The following AGL variants were observed in gnomAD, a reference collection of about 807,000 sequenced individuals.
AGL encodes the protein glycogen debranching enzyme.
Under a neutral mutation model 199.3 loss-of-function variants are expected in AGL, and 128 were observed. The observed-to-expected ratio is 0.64, with a 90% CI of 0.56 to 0.74. The LOEUF (loss-of-function observed/expected upper bound fraction) is 0.74, where lower values mean the gene tolerates loss of function less well. Among genes scored for constraint, AGL ranks in the 30% least tolerant of loss-of-function variants. The probability of loss-of-function intolerance (pLI) is 0.00; values close to 1 mark genes in which losing one functional copy is unlikely to be tolerated. For missense variants in AGL, 1,809 were observed against 1,820.8 expected (o/e 0.99, Z 0.12); for synonymous variants, 584 against 594.7 (o/e 0.98, Z 0.26).
intron 26 of AGL, among the ~76,000 whole-genome samples, chr1:99,901,315 G>C (rs1393820734): frequency 1.3e-5 from 2 of 149,018 alleles, no homozygotes; most frequent in South Asian, 4.2e-4. Flanking sequence ...GGAGGCTGAG[G>C]CAGAAGGATC....
chr1:99,896,940 C>A (rs1653374324), intron 25 of AGL, among the ~76,000 whole-genome samples: 1 of 152,126 alleles, frequency 6.6e-6, no homozygotes, highest in African/African-American at 2.4e-5. Flanking sequence ...CCTCAGCCTC[C>A]TGAGTAGCTG....
intron 7 of AGL, 47 bp downstream of exon 7, chr1:99,870,916 ATAT>A (rs1226883122): frequency 8.3e-7 from 1 of 1,198,862 alleles, no homozygotes; most frequent in African/African-American, 1.5e-5. Flanking sequence ...AAGAAATGTA[ATAT>A]TATAAAGGGA....
chr1:99,871,647 A>G (rs1169064436), intron 7 of AGL, among the ~76,000 whole-genome samples: 2 of 152,176 alleles, frequency 1.3e-5, no homozygotes, highest in Non-Finnish European at 2.9e-5. Context: ...CTTGAGCTCT[A>G]GGATACTCAG....
intron 27 of AGL, among the ~76,000 whole-genome samples, chr1:99,903,483 G>A (rs1028159134): frequency 1.1e-4 from 17 of 152,138 alleles, no homozygotes; most frequent in African/African-American, 3.9e-4. Context: ...TTTTATGGCT[G>A]CATAGTATTC....
intron 2 of AGL, among the ~76,000 whole-genome samples, chr1:99,856,313 TCCCTCCCTTCCTTCCTCC>T (rs1649422564): frequency 1.3e-4 from 2 of 15,600 alleles, no homozygotes; most frequent in Non-Finnish European, 2.3e-4. Context: ...CCTTCCTCCC[TCCCTCCCTTCCTTCCTCC>T]CTCCCTCCCT....
At chr1:99,874,649 A>C (rs1237927498) in intron 7 of AGL, 38 bp from the exon 8 acceptor site, 8 of 1,580,216 alleles carry the variant, frequency 5.1e-6, no homozygotes, top group African/African-American at 1.4e-5. Flanking sequence ...CTCTTTGTAG[A>C]TATTTGCATT....
chr1:99,910,041 A>G (rs1475587925), intron 27 of AGL, among the ~76,000 whole-genome samples: 7 of 152,168 alleles, frequency 4.6e-5, no homozygotes, highest in African/African-American at 9.7e-5. Flanking sequence ...TTATCTTACT[A>G]TATATGTCCT....
intron 28 of AGL, among the ~76,000 whole-genome samples, chr1:99,911,491 G>A (rs1205237544): frequency 6.6e-6 from 1 of 151,936 alleles, no homozygotes; most frequent in Non-Finnish European, 1.5e-5. Context: ...TGCCCAGCCT[G>A]TAGTGCAGTA....
chr1:99,884,472 C>G (rs1161575695), intron 19 of AGL, 21 bp downstream of exon 19: 2 of 1,601,118 alleles, frequency 1.2e-6, no homozygotes, highest in Admixed American at 3.3e-5. Context: ...TGAGCTCAAA[C>G]TGTTGACTTT....
intron 20 of AGL, 149 bp from the exon 21 acceptor site, chr1:99,887,829 G>T: frequency 1.1e-4 from 82 of 769,432 alleles, no homozygotes; most frequent in Middle Eastern, 4.1e-4. Context: ...TACTTAAAAT[G>T]TATGAGTATA....
chr1:99,890,778 A>T (rs1477966837), intron 21 of AGL, among the ~76,000 whole-genome samples: 1 of 152,092 alleles, frequency 6.6e-6, no homozygotes, highest in East Asian at 1.9e-4. Flanking sequence ...TCTTTCTGAA[A>T]CCAGTTCTAT....
rs1054385071 is a variant in AGL, at chr1:99,923,787, A to G, written c.*2136A>G. ...TGGACTATGCCTTGGTTTTTCACTA[A>G]TCAAAATCAAAATTACTCTTTAACA... On this transcript the variant is annotated 3_prime_UTR_variant, in exon 34 of 34. Coordinates refer to ENST00000361915, the MANE Select transcript of AGL (RefSeq NM_000642.3). The G allele has an allele frequency of 6.6e-6, 1 of 152,198 alleles. No individual in the cohort carries two copies. The highest frequency in any genetic ancestry group is 1.5e-5 in the Non-Finnish European group (1 of 68,032). 9.4% of individuals were successfully genotyped at this position (152,198 alleles called of 1,614,324 possible).
intron 2 of AGL, among the ~76,000 whole-genome samples, chr1:99,856,366 TCCTTCCTC>T (rs1649451423): frequency 5.4e-5 from 4 of 73,842 alleles, no homozygotes; most frequent in African/African-American, 9.2e-5. Context: ...CTCCCTCCCT[TCCTTCCTC>T]CCTTCCTCCC....
intron 25 of AGL, among the ~76,000 whole-genome samples, chr1:99,897,181 A>G (rs1653397430): frequency 1.3e-5 from 2 of 152,316 alleles, no homozygotes; most frequent in Admixed American, 1.3e-4. Context: ...AAAGGAAAGC[A>G]CTACAGCAGT....
chr1:99,917,952 A>T (rs929938857), intron 33 of AGL, among the ~76,000 whole-genome samples: 2 of 152,180 alleles, frequency 1.3e-5, no homozygotes, highest in Non-Finnish European at 2.9e-5. Flanking sequence ...TATATTAAAA[A>T]GTCTAATTAC....
chr1:99,909,722 A>G (rs577738453), intron 27 of AGL, among the ~76,000 whole-genome samples: 1 of 152,110 alleles, frequency 6.6e-6, no homozygotes, highest in East Asian at 1.9e-4. Flanking sequence ...TTCCTAGCCA[A>G]TCTGCCTTCC....
rs560445729 is a variant in AGL at position 99,909,738 on chromosome 1, A to T, written c.3701-974A>T. On this transcript the variant is annotated intron_variant, in intron 27 of 33. Transcript: ENST00000361915. Reference sequence around the variant, plus strand: ...TCCTAGCCAATCTGCCTTCCTCTTTACACTTTTTGAGTCCTCTTATGATAG... The same window carrying T: ...TCCTAGCCAATCTGCCTTCCTCTTTTCACTTTTTGAGTCCTCTTATGATAG... 1.2e-4 allele frequency among the ~76,000 whole-genome samples: 18 copies of T among 151,970 alleles called. No homozygotes were observed. The South Asian group carries it at 3.5e-3, about 30-fold the overall frequency.
chr1:99,881,043 G>A (rs1309812320), intron 14 of AGL, 33 bp from the exon 15 acceptor site: 8 of 1,569,752 alleles, frequency 5.1e-6, no homozygotes, highest in Non-Finnish European at 7.0e-6. Flanking sequence ...TTGAAAGAAA[G>A]CAAACTTTTG....
chr1:99,850,987 C>A lies in AGL; in HGVS notation c.-56C>A, dbSNP rs764523804. ...TTTTGTTTCATAGGGGTAACTCATTCGACTGTGGAGTTCTTTTAATTCTTA... is the reference window on the plus strand; with the variant it reads ...TTTTGTTTCATAGGGGTAACTCATTAGACTGTGGAGTTCTTTTAATTCTTA... On this transcript the variant is annotated 5_prime_UTR_variant, in exon 2 of 34. Transcript: ENST00000361915. The A allele has an allele frequency of 3.1e-5, 44 of 1,408,918 alleles. No individual in the cohort carries two copies. The Admixed American group carries it at 5.5e-4, about 18-fold the overall frequency. 87.3% of individuals were successfully genotyped at this position (1,408,918 alleles called of 1,614,324 possible).
Sources: gnomAD v4.1 joint callset for allele counts (sites outside exome capture counted in the v4.1 genomes callset) on GRCh38, gnomAD v4.1.1 for gene constraint, MANE v1.5 for transcripts, NCBI Gene and HGNC (gene_info 2026-07-23, HGNC 2026-07-21) for gene names.